Variants in SPATA7 observed in about 807,000 individuals in gnomAD.
SPATA7 encodes the protein spermatogenesis associated 7.
Under a neutral mutation model 51.8 loss-of-function variants are expected in SPATA7, and 43 were observed. The observed-to-expected ratio is 0.83, with a 90% CI of 0.65 to 1.07. The LOEUF is 1.07. Ranked by LOEUF, SPATA7 falls within the 50% of genes least tolerant of loss-of-function variation. The pLI, the probability that SPATA7 is intolerant of heterozygous loss-of-function variation, is 0.00. For synonymous variants in SPATA7, 230 were observed against 252.8 expected, an observed-to-expected ratio of 0.91 and a Z score of 0.86; for missense variants, 683 against 701.3, an observed-to-expected ratio of 0.97 and a Z score of 0.30.
Position 88,438,176 on chromosome 14 carries a change from A to G in SPATA7, c.1554A>G (p.Ser518=). ...ATGATGAAACAAATCTTGAAACTTC[A>G]ACTTTGGATGAAAATCATCCAAGTA... The part of the protein sequence containing the change: ...QVNDETNLET[S]TLDENHPSIS... The change falls in exon 12 of 12, where the codon TCA becomes TCG. Residue 518 remains serine (S), a synonymous_variant. Coordinates refer to ENST00000393545, the MANE Select transcript of SPATA7 (RefSeq NM_018418.5). 1.2e-6 allele frequency: 2 copies of G among 1,613,720 alleles called. No individual in the cohort carries two copies. Among genetic ancestry groups the G allele is most frequent in the South Asian group, 2.2e-5 (2 of 90,978 alleles).
intron 3 of SPATA7, among the ~76,000 whole-genome samples, chr14:88,453,783 G>A (rs1453878067): frequency 6.6e-6 from 1 of 152,170 alleles, no homozygotes; most frequent in Non-Finnish European, 1.5e-5. Flanking sequence ...GATAGAAGAT[G>A]CCACCCTGAG....
intron 2 of SPATA7, 104 bp downstream of exon 2, chr14:88,391,559 A>T: frequency 1.1e-6 from 1 of 911,452 alleles, no homozygotes; most frequent in South Asian, 1.4e-5. Flanking sequence ...CATTTGACGA[A>T]TATTTGAACT....
At position 88,437,558 on chromosome 14, in the gene SPATA7, G is replaced by A; in HGVS notation, c.1176G>A (p.Leu392=). The stretch of plus-strand genomic sequence containing the variant: ...TCATTTGTAGGTTTTTAGAACGACT[G>A]TTCGAGCGACATATAAAACAAAATA... ...GLFSNRFLER[L]FERHIKQNKH... Residue 392 remains leucine, a synonymous_variant, in exon 11 of 12, where the codon CTG becomes CTA. Transcript: ENST00000393545. 2 of 1,610,954 alleles carry A rather than the reference G, an allele frequency of 1.2e-6. No individual in the cohort carries two copies. The highest frequency in any genetic ancestry group is 1.7e-6 in the Non-Finnish European group (2 of 1,178,104).
Position 88,416,820 on chromosome 14 carries a change from G to A in SPATA7, c.348G>A (p.Lys116=), listed in dbSNP as rs1164331517. 2 of 1,601,758 alleles carry A rather than the reference G, an allele frequency of 1.2e-6. No individual in the cohort carries two copies. The highest frequency in any genetic ancestry group is 1.7e-6 in the Non-Finnish European group (2 of 1,169,524). Residue 116 remains lysine (K), a synonymous_variant, in exon 5 of 12, where the codon AAG becomes AAA. Transcript: ENST00000393545. ...AMRANYKNNS[K]SLFNTLQKPS... The stretch of plus-strand genomic sequence containing the variant: ...GAGCCAATTATAAAAATAATTCCAA[G>A]TCACTTTTTAATACCTTACAAAAGG...
At chr14:88,435,893 G>A (rs554783491) in intron 10 of SPATA7, among the ~76,000 whole-genome samples, 37 of 152,254 alleles carry the variant, frequency 2.4e-4, no homozygotes, top group Non-Finnish European at 2.9e-4. Context: ...AAACATAAGA[G>A]TGCAGGTATC....
chr14:88,395,491 C>T (rs1319517337), intron 3 of SPATA7, among the ~76,000 whole-genome samples: 1 of 139,794 alleles, frequency 7.2e-6, no homozygotes, highest in East Asian at 1.9e-4. Flanking sequence ...AACCTTAGGT[C>T]ACTCAGAATT....
intron 9 of SPATA7, chr14:88,432,924 C>T: frequency 3.8e-6 from 2 of 525,260 alleles, no homozygotes; most frequent in South Asian, 2.5e-5. Context: ...AAATTTTACT[C>T]TATTAGGTCA....
intron 3 of SPATA7, among the ~76,000 whole-genome samples, chr14:88,394,221 G>T (rs951628120): frequency 2.0e-5 from 3 of 152,066 alleles, no homozygotes; most frequent in Admixed American, 6.6e-5. Flanking sequence ...TGCAAATCCT[G>T]AAGCATTTGC....
intron 4 of SPATA7, among the ~76,000 whole-genome samples, chr14:88,403,263 G>C (rs1353030288): frequency 1.3e-5 from 2 of 152,068 alleles, no homozygotes; most frequent in Non-Finnish European, 2.9e-5. Context: ...CAATATAGAG[G>C]CTCCTCGAGA....
rs1236549060 is a variant in SPATA7, at chr14:88,385,663, C to T, written c.-156C>T. The T allele has an allele frequency of 2.1e-5, 16 of 755,160 alleles. No individual in the cohort carries two copies. The highest frequency in any genetic ancestry group is 3.7e-5 in the Non-Finnish European group (16 of 431,892). The allele number at this position is 755,160 out of a possible 1,614,324, so 46.8% of individuals were successfully genotyped here. On this transcript the variant is annotated 5_prime_UTR_variant, in exon 1 of 12. Coordinates refer to ENST00000393545, the MANE Select transcript of SPATA7 (RefSeq NM_018418.5). ...GACGTCACAATAGCGACTCACTGGA[C>T]CCAGCCCTTAGCAACGGCCTGGCAA...
intron 4 of SPATA7, chr14:88,468,079 CTTTTTT>C: frequency 6.4e-7 from 1 of 1,564,876 alleles, no homozygotes. Flanking sequence ...TAGGCAAGCG[CTTTTTT>C]TTTAAGCTGT....
chr14:88,402,409 A>G (rs2076086131), intron 4 of SPATA7, among the ~76,000 whole-genome samples: 2 of 137,002 alleles, frequency 1.5e-5, no homozygotes, highest in South Asian at 2.5e-4. Context: ...CAAAGCTACA[A>G]TAATCAAAAC....
At chr14:88,460,938 T>C (rs1595321826) in intron 4 of SPATA7, among the ~76,000 whole-genome samples, 2 of 152,350 alleles carry the variant, frequency 1.3e-5, no homozygotes, top group Non-Finnish European at 2.9e-5. Flanking sequence ...GTCAGGACCC[T>C]CAGCTGCAGG....
chr14:88,405,531 C>T (rs915379667), intron 4 of SPATA7, among the ~76,000 whole-genome samples: 27 of 152,098 alleles, frequency 1.8e-4, no homozygotes, highest in African/African-American at 6.5e-4. Flanking sequence ...GGAAACATTT[C>T]AAATGTGTGT....
chr14:88,405,513 C>T (rs1385955793), intron 4 of SPATA7, among the ~76,000 whole-genome samples: 2 of 152,122 alleles, frequency 1.3e-5, no homozygotes, highest in Non-Finnish European at 2.9e-5. Flanking sequence ...TTGAAATAAT[C>T]AGATTCTGGA....
intron 10 of SPATA7, 26 bp downstream of exon 10, chr14:88,433,238 T>A: frequency 2.8e-6 from 4 of 1,452,460 alleles, no homozygotes; most frequent in Middle Eastern, 1.8e-4. Flanking sequence ...GGTGTTATGT[T>A]AATTCAGGAG....
At chr14:88,444,226 G>A (rs1429331047) in intron 3 of SPATA7, among the ~76,000 whole-genome samples, 1 of 152,142 alleles carries the variant, frequency 6.6e-6, no homozygotes, top group East Asian at 1.9e-4. Context: ...GCATATCTCT[G>A]ATGGCCAGTG....
At chr14:88,394,971 T>G (rs1023395787) in intron 3 of SPATA7, among the ~76,000 whole-genome samples, 1 of 152,144 alleles carries the variant, frequency 6.6e-6, no homozygotes, top group Admixed American at 6.5e-5. Flanking sequence ...GTTGTTTGTC[T>G]CTTTAGTATT....
chr14:88,429,585 G>A, intron 8 of SPATA7, 122 bp downstream of exon 8: 1 of 578,436 alleles, frequency 1.7e-6, no homozygotes, highest in Admixed American at 3.2e-5. Flanking sequence ...TTGGTGTTAT[G>A]TAATTCAATA....
Sources: allele counts gnomAD v4.1 joint callset (sites outside exome capture counted in the v4.1 genomes callset), GRCh38; gene constraint gnomAD v4.1.1; transcripts MANE v1.5; gene names NCBI Gene and HGNC (gene_info 2026-07-23, HGNC 2026-07-21).